Variants in CLEC7A observed in about 807,000 individuals in gnomAD.
CLEC7A encodes the protein C-type lectin domain family 7 member A.
CLEC7A carries 25 observed loss-of-function variants against 26.9 expected under a neutral mutation model. The ratio of observed to expected loss-of-function variants is 0.93; its 90% CI spans 0.68 to 1.30. The LOEUF (loss-of-function observed/expected upper bound fraction) is 1.30. Ranked by LOEUF, CLEC7A falls within the 50% of genes most tolerant of loss-of-function variation. CLEC7A has a pLI of 0.00. For missense variants in CLEC7A, 275 were observed against 286.7 expected (o/e 0.96, Z 0.29); for synonymous variants, 100 against 99.5 (o/e 1.01, Z -0.03).
At chr12:10,127,250 C>CGG in intron 2 of CLEC7A, 1 of 1,379,748 alleles carries the variant, frequency 7.2e-7, no homozygotes. Context: ...CAGGAAATTT[C>CGG]TGGTGTATTC....
intron 3 of CLEC7A, among the ~76,000 whole-genome samples, chr12:10,125,855 C>T (rs1471582998): frequency 6.6e-6 from 1 of 152,018 alleles, no homozygotes; most frequent in Non-Finnish European, 1.5e-5. Context: ...TGTGACTTTC[C>T]AAGTGAGAAA....
At chr12:10,126,203 C>T (rs1010815402) in intron 3 of CLEC7A, 46 of 984,118 alleles carry the variant, frequency 4.7e-5, no homozygotes, top group African/African-American at 5.2e-5. Context: ...GTCATATTTC[C>T]TATTCTAACT....
chr12:10,124,153 A>G lies in CLEC7A; in HGVS notation c.493-790T>C, dbSNP rs1426703377. On this transcript the variant is annotated intron_variant, in intron 4 of 5. Transcript: ENST00000304084. ...CAGTGAAGATATCTGAATTGTTTAC[A>G]AATCTATAACAATTTATTTTCAATT... 5.2e-5 allele frequency among the ~76,000 whole-genome samples: 8 copies of G among 152,384 alleles called. No homozygotes were observed. In the East Asian group the frequency reaches 1.5e-3, roughly 29 times the overall value.
Position 10,118,409 on chromosome 12 carries a change from G to A in CLEC7A, c.*49C>T, listed in dbSNP as rs1947973221. 6.5e-7 allele frequency: 1 copy of A among 1,539,536 alleles called. No individual in the cohort carries two copies. Among genetic ancestry groups the A allele is most frequent in the Admixed American group, 1.8e-5 (1 of 56,966 alleles). On this transcript the variant is annotated 3_prime_UTR_variant, in exon 6 of 6. Coordinates refer to ENST00000304084, the MANE Select transcript of CLEC7A (RefSeq NM_197947.3). ...GTTACTCTTTTCTGTTCTGTTTTCT[G>A]TCCTCCTTACTACCTCACATATTTC...
Position 10,125,397 on chromosome 12 carries a change from C to T in CLEC7A, c.392G>A (p.Cys131Tyr). The T allele has an allele frequency of 6.2e-7, 1 of 1,613,378 alleles. No homozygotes were observed. The highest frequency in any genetic ancestry group is 8.5e-7 in the Non-Finnish European group (1 of 1,179,838). Reference protein sequence around the residue: ...PPNWIIYEKSCYLFSMSLNSW... With the variant: ...PPNWIIYEKSYYLFSMSLNSW... ...ATTTAGTGACATGCTGAATAGATAA[C>T]AGCTCTTCTCATATATAATCCAATT... The change falls in exon 4 of 6, where the codon TGT becomes TAT. Residue 131 changes from cysteine to tyrosine, a missense_variant. Transcript: ENST00000304084.
rs200173938 is a variant in CLEC7A, at chr12:10,123,292, A to G, written c.564T>C (p.Thr188=). Residue 188 remains threonine, a synonymous_variant, in exon 5 of 6, where the codon ACT becomes ACC. Coordinates refer to ENST00000304084, the MANE Select transcript of CLEC7A (RefSeq NM_197947.3). ...CATCCTCCCAGAGCCATGGTACCTC[A>G]GTCTGGGGCCGAGAAAGGCCTATCC... The part of the protein sequence containing the change: ...SFWIGLSRPQ[T]EVPWLWEDGS... The G allele has an allele frequency of 1.9e-6, 3 of 1,613,550 alleles. No homozygotes were observed. In the East Asian group the frequency reaches 6.7e-5, roughly 36 times the overall value.
At chr12:10,123,615 G>T (rs1193224373) in intron 4 of CLEC7A, among the ~76,000 whole-genome samples, 3 of 144,556 alleles carry the variant, frequency 2.1e-5, no homozygotes, top group Non-Finnish European at 4.5e-5. Flanking sequence ...CAAAAAATTA[G>T]CCGGGCGCGG....
In CLEC7A at chr12:10,118,412, C is replaced by G. The variant is rs1255758306; in HGVS notation, c.*46G>C. 1 of 1,552,396 alleles carries G rather than the reference C, an allele frequency of 6.4e-7. No homozygotes were observed. The highest frequency in any genetic ancestry group is 1.1e-5 in the South Asian group (1 of 88,404). Reference sequence around the variant, plus strand: ...ACTCTTTTCTGTTCTGTTTTCTGTCCTCCTTACTACCTCACATATTTCTCT... The same window carrying G: ...ACTCTTTTCTGTTCTGTTTTCTGTCGTCCTTACTACCTCACATATTTCTCT... On this transcript the variant is annotated 3_prime_UTR_variant, in exon 6 of 6. Transcript: ENST00000304084.
chr12:10,124,195 G>T (rs1045185979), intron 4 of CLEC7A, among the ~76,000 whole-genome samples: 15 of 152,192 alleles, frequency 9.9e-5, no homozygotes, highest in Non-Finnish European at 1.8e-4. Flanking sequence ...TGGCCTAAAA[G>T]TCAGATAGAC....
rs756166982 is a variant in CLEC7A at position 10,130,046 on chromosome 12, C to A, written c.37G>T (p.Asp13Tyr). 4 of 1,609,216 alleles carry A rather than the reference C, an allele frequency of 2.5e-6. 1 individual carries two copies. Among genetic ancestry groups the A allele is most frequent in the Admixed American group, 1.7e-5 (1 of 59,974 alleles). The change falls in exon 1 of 6, where the codon GAT (aspartate) becomes TAT (tyrosine). Residue 13 changes from aspartate (D) to tyrosine (Y), a missense_variant. Coordinates refer to ENST00000304084, the MANE Select transcript of CLEC7A (RefSeq NM_197947.3). ...YHPDLENLDE[D>Y]GYTQLHFDSQ... ...TCGAAGTGTAATTGAGTATATCCAT[C>A]TTCATCCAAATTTTCTAAATCAGGA...
Position 10,123,282 on chromosome 12 carries a change from A to G in CLEC7A, c.574T>C (p.Trp192Arg), listed in dbSNP as rs1307651895. ...GLSRPQTEVP[W>R]LWEDGSTFSS... ...AATGTTGATCCATCCTCCCAGAGCCATGGTACCTCAGTCTGGGGCCGAGAA... is the reference window on the plus strand; with the variant it reads ...AATGTTGATCCATCCTCCCAGAGCCGTGGTACCTCAGTCTGGGGCCGAGAA... Residue 192 changes from tryptophan to arginine, a missense_variant, in exon 5 of 6, where the codon TGG becomes CGG. Transcript: ENST00000304084. The G allele has an allele frequency of 1.2e-6, 2 of 1,612,900 alleles. No homozygotes were observed. The highest frequency in any genetic ancestry group is 1.7e-6 in the Non-Finnish European group (2 of 1,178,964).
intron 1 of CLEC7A, among the ~76,000 whole-genome samples, chr12:10,128,822 G>T (rs17807926): frequency 0.048 from 7,374 of 152,194 alleles, 240 homozygotes; most frequent in Middle Eastern, 0.12. Flanking sequence ...CCCAAGAAAA[G>T]AATTACATCA....
chr12:10,118,680 T>G, intron 5 of CLEC7A, 90 bp from the exon 6 acceptor site: 1 of 1,124,446 alleles, frequency 8.9e-7, no homozygotes, highest in Non-Finnish European at 1.3e-6. Context: ...AGGATATTGG[T>G]GAAAAGAGTT....
At position 10,125,104 on chromosome 12, in the gene CLEC7A, G is replaced by A. The variant is rs571764674; in HGVS notation, c.492+193C>T. 105 of 662,640 alleles carry A rather than the reference G, an allele frequency of 1.6e-4. No homozygotes were observed. In the African/African-American group the frequency reaches 1.8e-3, roughly 11 times the overall value. 41.0% of individuals were successfully genotyped at this position (662,640 alleles called of 1,614,324 possible). A position where few individuals can be genotyped will look rare whatever the true frequency, so the allele number is the denominator to read the frequency against. On this transcript the variant is annotated intron_variant, in intron 4 of 5. Coordinates refer to ENST00000304084, the MANE Select transcript of CLEC7A (RefSeq NM_197947.3). Reference sequence around the variant, plus strand: ...AGTCCTACCTACTCAGGAAGCTGAGGTGGGAGGATCACTTGAGCCTGGGAT... The same window carrying A: ...AGTCCTACCTACTCAGGAAGCTGAGATGGGAGGATCACTTGAGCCTGGGAT...
chr12:10,122,214 A>T (rs1948109926), intron 5 of CLEC7A, among the ~76,000 whole-genome samples: 1 of 152,170 alleles, frequency 6.6e-6, no homozygotes, highest in Non-Finnish European at 1.5e-5. Context: ...ATAAGAACTT[A>T]AAAGAGACAT....
At chr12:10,119,684 C>G (rs1360428848) in intron 5 of CLEC7A, among the ~76,000 whole-genome samples, 1 of 152,126 alleles carries the variant, frequency 6.6e-6, no homozygotes, top group Non-Finnish European at 1.5e-5. Flanking sequence ...TTGTACTGTT[C>G]ACACTATTGG....
rs748581369 is a variant in CLEC7A, at chr12:10,130,064, A to G, written c.19T>C (p.Leu7=). The G allele has an allele frequency of 1.3e-6, 2 of 1,592,126 alleles. No individual in the cohort carries two copies. Among genetic ancestry groups the G allele is most frequent in the African/African-American group, 2.7e-5 (2 of 74,488 alleles). The change falls in exon 1 of 6, where the codon TTA becomes CTA. Residue 7 remains leucine (L), a synonymous_variant. Coordinates refer to ENST00000304084, the MANE Select transcript of CLEC7A (RefSeq NM_197947.3). MEYHPD[L]ENLDEDGYTQ... is the part of the protein sequence containing the mutation. ...TATCCATCTTCATCCAAATTTTCTA[A>G]ATCAGGATGATATTCCATTGTTCTT...
At chr12:10,120,052 T>C (rs1948030099) in intron 5 of CLEC7A, among the ~76,000 whole-genome samples, 1 of 152,040 alleles carries the variant, frequency 6.6e-6, no homozygotes, top group Non-Finnish European at 1.5e-5. Flanking sequence ...AATAAAAGAC[T>C]TAATAGAGGC....
At chr12:10,124,606 G>T (rs1445983578) in intron 4 of CLEC7A, 1 of 152,022 alleles carries the variant, frequency 6.6e-6, no homozygotes. Flanking sequence ...GCCTTTCCCA[G>T]TATCTTGCAA....
Sources: allele counts gnomAD v4.1 joint callset (sites outside exome capture counted in the v4.1 genomes callset), GRCh38; gene constraint gnomAD v4.1.1; transcripts MANE v1.5; gene names NCBI Gene and HGNC (gene_info 2026-07-23, HGNC 2026-07-21).